The following F8 variants were observed in gnomAD, a reference collection of about 807,000 sequenced individuals.
F8 encodes antihemophilic factor.
F8 carries 12 observed loss-of-function variants against 140.6 expected under a neutral mutation model. That is an observed-to-expected ratio of 0.09 (90% CI 0.05 to 0.14). F8 has a LOEUF of 0.14. Ranked by LOEUF, F8 falls within the 10% of genes least tolerant of loss-of-function variation. F8 has a pLI of 1.00. For synonymous variants in F8, 585 were observed against 614.6 expected, an observed-to-expected ratio of 0.95 and a Z score of 0.71; for missense variants, 1,354 against 1,720.7, an observed-to-expected ratio of 0.79 and a Z score of 3.77.
chrX:154,836,996 T>C lies in F8; in HGVS notation c.*601A>G, dbSNP rs1231096096. 1.8e-5 allele frequency: 2 copies of C among 113,171 alleles called. No homozygotes were observed. Among genetic ancestry groups the C allele is most frequent in the Non-Finnish European group, 1.9e-5 (1 of 53,965 alleles). 9.3% of individuals were successfully genotyped at this position (113,171 alleles called of 1,213,427 possible). ...GGAGATAAGAATGTGCCCCTCATAA[T>C]GACTAAATAACATAATTATATCTAT... On this transcript the variant is annotated 3_prime_UTR_variant, in exon 26 of 26. Transcript: ENST00000360256.
chrX:154,840,936 C>G (rs189865629), intron 25 of F8, among the ~76,000 whole-genome samples: 14 of 112,110 alleles, frequency 1.2e-4, no homozygotes, highest in Non-Finnish European at 2.6e-4. Flanking sequence ...AATAAAAACT[C>G]AAGAACATTA....
chrX:154,879,537 T>A (rs1160021261), intron 22 of F8, among the ~76,000 whole-genome samples: 1 of 112,565 alleles, frequency 8.9e-6, no homozygotes, highest in Non-Finnish European at 1.9e-5. Context: ...CGTGAGATAG[T>A]CAACACTTCA....
chrX:154,873,808 G>A, intron 22 of F8, among the ~76,000 whole-genome samples: 1 of 111,515 alleles, frequency 9.0e-6, no homozygotes, highest in Middle Eastern at 4.6e-3. Flanking sequence ...GAAAGAAATT[G>A]GGCCCTTTTC....
chrX:154,904,967 A>T lies in F8; in HGVS notation c.5430T>A (p.Ser1810=). ...RPYSFYSSLI[S]YEEDQRQGAE... ...CTCCTTGCCTCTGATCTTCCTCATAAGAAATAAGGCTAGAATAGAAGGAAT... is the reference window on the plus strand; with the variant it reads ...CTCCTTGCCTCTGATCTTCCTCATATGAAATAAGGCTAGAATAGAAGGAAT... Residue 1810 remains serine, a synonymous_variant, in exon 16 of 26, where the codon TCT becomes TCA. Transcript: ENST00000360256. 8.3e-7 allele frequency: 1 copy of T among 1,210,809 alleles called. No homozygotes were observed. Among genetic ancestry groups the T allele is most frequent in the Admixed American group, 2.2e-5 (1 of 45,962 alleles).
intron 23 of F8, among the ~76,000 whole-genome samples, chrX:154,862,573 G>C (rs2072701481): frequency 9.1e-6 from 1 of 110,262 alleles, no homozygotes; most frequent in Non-Finnish European, 1.9e-5. Flanking sequence ...CTCCCCTCCT[G>C]AGTGTCCATC....
intron 6 of F8, among the ~76,000 whole-genome samples, chrX:154,979,689 T>C (rs1212847299): frequency 1.8e-5 from 2 of 111,510 alleles, no homozygotes; most frequent in South Asian, 3.8e-4. Context: ...TCTTGGAATA[T>C]GTGAAAATGC....
At chrX:154,842,989 A>T (rs970584065) in intron 25 of F8, among the ~76,000 whole-genome samples, 13 of 110,836 alleles carry the variant, frequency 1.2e-4, no homozygotes, top group African/African-American at 2.6e-4. Flanking sequence ...ATGTTCCCCT[A>T]CCTGTGTCCA....
intron 25 of F8, among the ~76,000 whole-genome samples, chrX:154,851,577 T>C (rs1201215752): frequency 3.6e-5 from 4 of 111,556 alleles, no homozygotes; most frequent in African/African-American, 1.3e-4. Flanking sequence ...ATTTTGTTTT[T>C]GTTTTTTTTT....
intron 22 of F8, among the ~76,000 whole-genome samples, chrX:154,875,030 T>C (rs1391233117): frequency 8.9e-6 from 1 of 112,008 alleles, no homozygotes; most frequent in Non-Finnish European, 1.9e-5. Flanking sequence ...TATAAAATAT[T>C]ATTTGGCCTT....
Position 154,929,643 on chromosome X carries a change from C to A in F8, c.4147G>T (p.Ala1383Ser). Reference sequence around the variant, plus strand: ...TCTGATAAGGGAGACTGAGTAATGGCCCCTTTCTCCTTCTCATTGTAGTCT... The same window carrying A: ...TCTGATAAGGGAGACTGAGTAATGGACCCTTTCTCCTTCTCATTGTAGTCT... Reference protein sequence around the residue: ...QIDYNEKEKGAITQSPLSDCL... With the variant: ...QIDYNEKEKGSITQSPLSDCL... Residue 1383 changes from alanine to serine, a missense_variant, in exon 14 of 26, where the codon GCC (alanine) becomes TCC (serine). Ala to Ser is a moderately conservative substitution (Grantham distance 99). Around this residue, in one of 4 missense-constraint regions of F8, gnomAD observed 658 missense variants for 666.5 expected, o/e 0.99. Coordinates refer to ENST00000360256, the MANE Select transcript of F8 (RefSeq NM_000132.4). 1 of 1,209,501 alleles carries A rather than the reference C, an allele frequency of 8.3e-7. No individual in the cohort carries two copies. Among genetic ancestry groups the A allele is most frequent in the Non-Finnish European group, 1.1e-6 (1 of 894,109 alleles).
intron 25 of F8, among the ~76,000 whole-genome samples, chrX:154,855,569 GC>G (rs1420510425): frequency 8.9e-6 from 1 of 111,771 alleles, no homozygotes; most frequent in Admixed American, 9.5e-5. Flanking sequence ...CCCTGATTAA[GC>G]TGGGGACATT....
At chrX:154,935,188 G>A (rs782618703) in intron 13 of F8, among the ~76,000 whole-genome samples, 2 of 110,680 alleles carry the variant, frequency 1.8e-5, no homozygotes, top group East Asian at 5.7e-4. Context: ...CAACAAAAAC[G>A]AATAAAAGAA....
At chrX:155,019,651 G>A (rs181804459) in intron 1 of F8, among the ~76,000 whole-genome samples, 36 of 110,310 alleles carry the variant, frequency 3.3e-4, no homozygotes, top group Admixed American at 1.5e-3. Flanking sequence ...AAAATTTTCC[G>A]GGCATGGTGG....
At chrX:154,862,923 A>G (rs2072704206) in intron 23 of F8, among the ~76,000 whole-genome samples, 160 bp downstream of exon 23, 1 of 111,937 alleles carries the variant, frequency 8.9e-6, no homozygotes, top group African/African-American at 3.3e-5. Flanking sequence ...TGCTGGGTTG[A>G]ATGGTATTTC....
Position 154,931,495 on chromosome X carries a change from T to G in F8, c.2295A>C (p.Ser765=). The G allele has an allele frequency of 8.3e-7, 1 of 1,212,034 alleles. No homozygotes were observed. Among genetic ancestry groups the G allele is most frequent in the Non-Finnish European group, 1.1e-6 (1 of 895,462 alleles). Residue 765 remains serine (S), a synonymous_variant, in exon 14 of 26, where the codon TCA becomes TCC. Transcript: ENST00000360256. ...AIEPRSFSQN[S]RHPSTRQKQF... ...GCTTTTGCCTAGTGCTAGGGTGTCT[T>G]GAATTCTGGGAGAAGCTTCTTGGTT...
chrX:154,940,634 G>A (rs1378010151), intron 13 of F8, among the ~76,000 whole-genome samples: 1 of 111,839 alleles, frequency 8.9e-6, no homozygotes, highest in Non-Finnish European at 1.9e-5. Flanking sequence ...AGCAAGGCAG[G>A]CCAACATTCA....
At chrX:154,903,470 G>A (rs1046084339) in intron 18 of F8, among the ~76,000 whole-genome samples, 1 of 111,779 alleles carries the variant, frequency 8.9e-6, no homozygotes, top group South Asian at 3.7e-4. Flanking sequence ...GTGAGCCATC[G>A]CACCTGGCCA....
At chrX:154,952,426 A>T (rs147858395) in intron 12 of F8, among the ~76,000 whole-genome samples, 462 of 112,481 alleles carry the variant, frequency 4.1e-3, no homozygotes, top group Admixed American at 6.8e-3. Context: ...CTCAACCCAA[A>T]GTTAAAGGGC....
At chrX:154,842,167 T>C (rs1212412887) in intron 25 of F8, among the ~76,000 whole-genome samples, 4 of 111,700 alleles carry the variant, frequency 3.6e-5, no homozygotes. Flanking sequence ...TATATTTTTA[T>C]ATTGGCAGAA....
Sources: gnomAD v4.1 joint callset for allele counts (sites outside exome capture counted in the v4.1 genomes callset) on GRCh38, gnomAD v4.1.1 for gene constraint, gnomAD v4.1.1 regional missense constraint, MANE v1.5 for transcripts, NCBI Gene and HGNC (gene_info 2026-07-23, HGNC 2026-07-21) for gene names.